The following GLDC variants were observed in gnomAD, a reference collection of about 807,000 sequenced individuals.
The protein encoded by GLDC is glycine decarboxylase.
In GLDC, 104 loss-of-function variants were observed where a neutral mutation model predicts 121.3. The observed-to-expected ratio is 0.86, with a 90% CI of 0.73 to 1.01. GLDC has a LOEUF of 1.01. Ranked by LOEUF, GLDC falls within the 50% of genes least tolerant of loss-of-function variation. GLDC has a pLI of 0.00. For missense variants in GLDC, 1,429 were observed against 1,306.6 expected, an observed-to-expected ratio of 1.09 and a Z score of -1.44; for synonymous variants, 546 against 480.6, an observed-to-expected ratio of 1.14 and a Z score of -1.78.
chr9:6,584,830 C>G (rs899799113), intron 15 of GLDC, among the ~76,000 whole-genome samples: 1 of 152,156 alleles, frequency 6.6e-6, no homozygotes, highest in Non-Finnish European at 1.5e-5. Flanking sequence ...ACATCATTGC[C>G]AGGAACGACA....
At chr9:6,639,184 C>G (rs749294184) in intron 2 of GLDC, 2 of 825,810 alleles carry the variant, frequency 2.4e-6, no homozygotes, top group Non-Finnish European at 4.2e-6. Context: ...CCTCCTAAAG[C>G]CGAAGCCAAA....
At chr9:6,625,659 T>G (rs1413478009) in intron 2 of GLDC, among the ~76,000 whole-genome samples, 1 of 152,222 alleles carries the variant, frequency 6.6e-6, no homozygotes, top group Non-Finnish European at 1.5e-5. Flanking sequence ...CCGCTGCATA[T>G]AGAGGTGCTC....
At chr9:6,538,197 C>G (rs1355517583) in intron 22 of GLDC, among the ~76,000 whole-genome samples, 2 of 151,814 alleles carry the variant, frequency 1.3e-5, no homozygotes, top group Non-Finnish European at 2.9e-5. Flanking sequence ...CCAACATATC[C>G]TGCTGTAGTG....
At chr9:6,602,275 A>C in intron 7 of GLDC, 70 bp from the exon 8 acceptor site, 2 of 947,496 alleles carry the variant, frequency 2.1e-6, no homozygotes, top group Admixed American at 1.7e-5. Context: ...AAATAGAATT[A>C]CTTCTTTCCT....
rs534281977 is a variant in GLDC at position 6,637,514 on chromosome 9, A to G, written c.334+7100T>C. Among the ~76,000 whole-genome samples, 3 of 151,936 alleles carry G rather than the reference A, an allele frequency of 2.0e-5. No homozygotes were observed. The South Asian group carries it at 6.2e-4, about 32-fold the overall frequency. ...GCCCAGGCTGGTGTGCAGTGGCGCAATCACAGCTCACTGCAACCTTCTCTT... is the reference window on the plus strand; with the variant it reads ...GCCCAGGCTGGTGTGCAGTGGCGCAGTCACAGCTCACTGCAACCTTCTCTT... On this transcript the variant is annotated intron_variant, in intron 2 of 24. Coordinates refer to ENST00000321612, the MANE Select transcript of GLDC (RefSeq NM_000170.3).
Position 6,604,798 on chromosome 9 carries a change from G to T in GLDC, c.862-14C>A. On this transcript the variant is annotated splice_polypyrimidine_tract_variant and intron_variant, in intron 6 of 24. Transcript: ENST00000321612. ...GCAGGCCAGGCTCTAGAAAGGAAGT[G>T]AGAGAAAAGGAACAAGGTTGCTACC... The T allele has an allele frequency of 5.0e-6, 8 of 1,607,116 alleles. No individual in the cohort carries two copies. The highest frequency in any genetic ancestry group is 6.8e-6 in the Non-Finnish European group (8 of 1,173,662).
intron 2 of GLDC, among the ~76,000 whole-genome samples, chr9:6,629,958 T>TGTGTA: frequency 1.3e-5 from 1 of 78,680 alleles, no homozygotes; most frequent in African/African-American, 6.1e-5. Context: ...TATATATATA[T>TGTGTA]TTTTTTTTTT....
In GLDC at chr9:6,587,229, C is replaced by A; in HGVS notation, c.1762G>T (p.Ala588Ser). ...NIHPFVPLDQ[A>S]QGYQQLFREL... Reference sequence around the variant, plus strand: ...CGGAAAAGCTGCTGATATCCTTGAGCTTGATCCAGAGGCACAAAGGGGTGG... The same window carrying A: ...CGGAAAAGCTGCTGATATCCTTGAGATTGATCCAGAGGCACAAAGGGGTGG... The change falls in exon 15 of 25, where the codon GCT becomes TCT. Residue 588 changes from alanine to serine, a missense_variant. Physicochemically the swap from Ala to Ser is moderately conservative, Grantham distance 99. Coordinates refer to ENST00000321612, the MANE Select transcript of GLDC (RefSeq NM_000170.3). 1 of 1,613,974 alleles carries A rather than the reference C, an allele frequency of 6.2e-7. No homozygotes were observed. Among genetic ancestry groups the A allele is most frequent in the Non-Finnish European group, 8.5e-7 (1 of 1,179,878 alleles).
At chr9:6,569,581 G>A (rs1817914567) in intron 15 of GLDC, among the ~76,000 whole-genome samples, 1 of 152,128 alleles carries the variant, frequency 6.6e-6, no homozygotes, top group Admixed American at 6.5e-5. Context: ...GAACCCGGGA[G>A]GCGGAGGTTG....
At chr9:6,602,898 A>T (rs1024418834) in intron 7 of GLDC, among the ~76,000 whole-genome samples, 1 of 152,150 alleles carries the variant, frequency 6.6e-6, no homozygotes, top group Non-Finnish European at 1.5e-5. Flanking sequence ...GAAAACATTC[A>T]AAAAAATAAA....
At chr9:6,598,751 G>C (rs979654546) in intron 8 of GLDC, among the ~76,000 whole-genome samples, 2 of 152,200 alleles carry the variant, frequency 1.3e-5, no homozygotes, top group Non-Finnish European at 2.9e-5. Context: ...CAGAATAAGA[G>C]GATGAAAATC....
At chr9:6,557,083 A>C (rs1817649696) in intron 17 of GLDC, among the ~76,000 whole-genome samples, 1 of 152,182 alleles carries the variant, frequency 6.6e-6, no homozygotes, top group Admixed American at 6.5e-5. Flanking sequence ...AGGAGGAGTA[A>C]GTTGTAGAGT....
At chr9:6,571,923 A>G (rs1817977223) in intron 15 of GLDC, among the ~76,000 whole-genome samples, 1 of 152,226 alleles carries the variant, frequency 6.6e-6, no homozygotes, top group Non-Finnish European at 1.5e-5. Context: ...ACTATTTTTG[A>G]CAAAGTTGCA....
At chr9:6,644,323 G>C (rs1440041486) in intron 2 of GLDC, among the ~76,000 whole-genome samples, 1 of 151,930 alleles carries the variant, frequency 6.6e-6, no homozygotes. Context: ...CGGTGAGAGG[G>C]TGCCTGGGAA....
In GLDC at chr9:6,543,055, T is replaced by C. The variant is rs116403052; in HGVS notation, c.2570-2909A>G. On this transcript the variant is annotated intron_variant, in intron 21 of 24. Transcript: ENST00000321612. ...GGACTCTTAAATGCTCAGCTGAGGA[T>C]TGCTTGAGCTTGGGAGTTGGAGACC... Among the ~76,000 whole-genome samples, 727 of 152,060 alleles carry C rather than the reference T, an allele frequency of 4.8e-3. 6 individuals carry two copies. The highest frequency in any genetic ancestry group is 0.017 in the African/African-American group (703 of 41,462).
chr9:6,645,476 C>G lies in GLDC; in HGVS notation c.24G>C (p.Trp8Cys), dbSNP rs1163356968. MQSCARAWGLRLGRGVGG... is the reference protein window; with the variant it reads MQSCARACGLRLGRGVGG... ...CGACCCCGCGGCCCAGGCGCAGCCC[C>G]CACGCCCTGGCACAGGACTGCATGG... Residue 8 changes from tryptophan to cysteine, a missense_variant, in exon 1 of 25, where the codon TGG (tryptophan) becomes TGC (cysteine). Physicochemically the swap from Trp to Cys is radical, Grantham distance 215. Coordinates refer to ENST00000321612, the MANE Select transcript of GLDC (RefSeq NM_000170.3). 5 of 1,268,654 alleles carry G rather than the reference C, an allele frequency of 3.9e-6. No individual in the cohort carries two copies. The highest frequency in any genetic ancestry group is 4.0e-6 in the Non-Finnish European group (4 of 1,009,996). The allele number at this position is 1,268,654 out of a possible 1,614,324, so 78.6% of individuals were successfully genotyped here. A position where few individuals can be genotyped will look rare whatever the true frequency, so the allele number is the denominator to read the frequency against.
At chr9:6,628,131 A>T (rs1819283913) in intron 2 of GLDC, among the ~76,000 whole-genome samples, 1 of 152,142 alleles carries the variant, frequency 6.6e-6, no homozygotes, top group Non-Finnish European at 1.5e-5. Flanking sequence ...CCAAATCCTA[A>T]CTAAGGACAC....
chr9:6,539,646 C>G (rs1006578260), intron 22 of GLDC, among the ~76,000 whole-genome samples: 9 of 152,166 alleles, frequency 5.9e-5, no homozygotes, highest in African/African-American at 2.2e-4. Flanking sequence ...GTGAAAACTA[C>G]TACACTTATT....
intron 2 of GLDC, among the ~76,000 whole-genome samples, chr9:6,637,056 C>G (rs373103159): frequency 6.7e-4 from 102 of 151,628 alleles, no homozygotes; most frequent in African/African-American, 2.4e-3. Context: ...TGCTCTCCAG[C>G]CTGGGTGACA....
Sources: allele counts gnomAD v4.1 joint callset (sites outside exome capture counted in the v4.1 genomes callset), GRCh38; gene constraint gnomAD v4.1.1; transcripts MANE v1.5; gene names NCBI Gene and HGNC (gene_info 2026-07-23, HGNC 2026-07-21).